Variants in KDM2B observed in about 807,000 individuals in gnomAD.
KDM2B encodes lysine demethylase 2B.
Under a neutral mutation model 150.0 loss-of-function variants are expected in KDM2B, and 26 were observed. That is an observed-to-expected ratio of 0.17 (90% CI 0.13 to 0.24). The LOEUF is 0.24. KDM2B is among the 10% of genes least tolerant of loss of function. KDM2B has a pLI of 1.00. For synonymous variants in KDM2B, 734 were observed against 729.5 expected (o/e 1.01, Z -0.10); for missense variants, 1,265 against 1,816.9 (o/e 0.70, Z 5.52).
intron 1 of KDM2B, chr12:121,580,173 A>ACC: frequency 1.5e-6 from 2 of 1,347,060 alleles, no homozygotes; most frequent in Non-Finnish European, 1.9e-6. Flanking sequence ...AGCAAGCCAG[A>ACC]GCCGAGATCT....
At chr12:121,439,383 T>C (rs1330969403) in intron 22 of KDM2B, among the ~76,000 whole-genome samples, 105 of 149,144 alleles carry the variant, frequency 7.0e-4, no homozygotes, top group Non-Finnish European at 1.1e-3. Flanking sequence ...ATGGTAACTT[T>C]TTTTTTTTTT....
Position 121,431,378 on chromosome 12 carries a change from A to G in KDM2B, c.3830-909T>C, listed in dbSNP as rs377629472. Among the ~76,000 whole-genome samples the G allele has an allele frequency of 1.0e-3, 145 of 140,160 alleles. 1 individual carries two copies. The highest frequency in any genetic ancestry group is 8.5e-3 in the Middle Eastern group (2 of 236). 92.0% of individuals were successfully genotyped at this position (140,160 alleles called of 152,430 possible). ...TGTCCAGGCTGGCCTCAAACTCCTGACCTCATGTGATCCGCCCACCTCAGC... is the reference window on the plus strand; with the variant it reads ...TGTCCAGGCTGGCCTCAAACTCCTGGCCTCATGTGATCCGCCCACCTCAGC... On this transcript the variant is annotated intron_variant, in intron 22 of 22. Coordinates refer to ENST00000377071, the MANE Select transcript of KDM2B (RefSeq NM_032590.5).
chr12:121,423,548 T>G, the KDM2B span: 1 of 1,614,118 alleles, frequency 6.2e-7, no homozygotes, highest in Non-Finnish European at 8.5e-7. This position sits in a 1 kb window ranked among gnomAD's most constrained non-coding sequence, Gnocchi z 4.3. Flanking sequence ...CAGTATGTGG[T>G]GCGAGCCGTG....
chr12:121,482,187 G>A (rs1033225645), intron 12 of KDM2B, among the ~76,000 whole-genome samples: 3 of 152,192 alleles, frequency 2.0e-5, no homozygotes, highest in African/African-American at 7.2e-5. Flanking sequence ...ACGTAGTCTT[G>A]AAGTTCCAGT....
chr12:121,505,546 AAAC>A (rs782193626), intron 11 of KDM2B, among the ~76,000 whole-genome samples: 1 of 152,138 alleles, frequency 6.6e-6, no homozygotes, highest in South Asian at 2.1e-4. Flanking sequence ...CAAAATTTAA[AAAC>A]AACAACAAAA....
Position 121,453,320 on chromosome 12 carries a change from C to T in KDM2B, c.1759G>A (p.Gly587Arg). ...PKNRAVGRPK[G>R]KLGPASAVKL... ...ACCGCGGAGGCCGGGCCCAGCTTCC[C>T]CTTGGGCCGACCCACAGCCCGGTTC... Residue 587 changes from glycine (G) to arginine (R), a missense_variant, in exon 13 of 23, where the codon GGG (glycine) becomes AGG (arginine). Gly to Arg is a moderately radical substitution (Grantham distance 125). Transcript: ENST00000377071. This position sits in a 1 kb window ranked among gnomAD's most constrained non-coding sequence, Gnocchi z 6.4. The T allele has an allele frequency of 6.3e-7, 1 of 1,588,854 alleles. No individual in the cohort carries two copies. Among genetic ancestry groups the T allele is most frequent in the Non-Finnish European group, 8.6e-7 (1 of 1,167,510 alleles).
At chr12:121,564,963 G>A (rs1555314581) in intron 4 of KDM2B, among the ~76,000 whole-genome samples, 1 of 151,912 alleles carries the variant, frequency 6.6e-6, no homozygotes, top group East Asian at 1.9e-4. Flanking sequence ...TAGGAGAGTA[G>A]CTGGGATTGC....
the KDM2B span, among the ~76,000 whole-genome samples, chr12:121,418,935 G>T: frequency 6.6e-6 from 1 of 152,150 alleles, no homozygotes; most frequent in South Asian, 2.1e-4. Flanking sequence ...TCGAATACCT[G>T]ACCTCAGGTT....
chr12:121,430,681 C>T lies in KDM2B; in HGVS notation c.3830-212G>A, dbSNP rs1340006946. On this transcript the variant is annotated intron_variant, in intron 22 of 22. Coordinates refer to ENST00000377071, the MANE Select transcript of KDM2B (RefSeq NM_032590.5). This position sits in a 1 kb window ranked among gnomAD's most constrained non-coding sequence, Gnocchi z 4.4. ...CGCCAGGTATAAAGGTTAATATATG[C>T]CTCAAAAGCATTCAGATAACCACGT... 2 of 574,176 alleles carry T rather than the reference C, an allele frequency of 3.5e-6. No homozygotes were observed. Among genetic ancestry groups the T allele is most frequent in the Admixed American group, 6.1e-5 (2 of 32,808 alleles). The allele number at this position is 574,176 out of a possible 1,614,324, so 35.6% of individuals were successfully genotyped here.
At chr12:121,559,620 G>T (rs1890187773) in intron 4 of KDM2B, among the ~76,000 whole-genome samples, 1 of 152,124 alleles carries the variant, frequency 6.6e-6, no homozygotes, top group African/African-American at 2.4e-5. Context: ...GCTCAACCAG[G>T]CCAGGTGCAG....
chr12:121,577,890 C>A (rs1031812501), intron 2 of KDM2B, among the ~76,000 whole-genome samples: 7 of 152,136 alleles, frequency 4.6e-5, no homozygotes, highest in Non-Finnish European at 7.4e-5. Context: ...AGAGGCAACC[C>A]AGGGCGTCAC....
intron 11 of KDM2B, among the ~76,000 whole-genome samples, chr12:121,504,467 T>G (rs576506997): frequency 6.6e-6 from 1 of 152,054 alleles, no homozygotes; most frequent in East Asian, 1.9e-4. Context: ...CCTGGGGGGT[T>G]GAGGCTGCAG....
chr12:121,448,540 C>T (rs555061820), intron 13 of KDM2B, among the ~76,000 whole-genome samples: 1 of 152,218 alleles, frequency 6.6e-6, no homozygotes, highest in African/African-American at 2.4e-5. Flanking sequence ...TGTGAGCCCC[C>T]TGAGGCCAGG....
intron 19 of KDM2B, 86 bp from the exon 20 acceptor site, chr12:121,441,319 AC>A: frequency 7.5e-7 from 1 of 1,340,490 alleles, no homozygotes. Flanking sequence ...TCCCCACCTA[AC>A]AACCTCTGGG....
the KDM2B span, among the ~76,000 whole-genome samples, chr12:121,412,542 C>A: frequency 2.6e-5 from 4 of 151,592 alleles, no homozygotes; most frequent in Non-Finnish European, 2.9e-5. Flanking sequence ...CACGCCTGGC[C>A]TAATTTTTGT....
chr12:121,450,485 G>A (rs947783808), intron 13 of KDM2B, among the ~76,000 whole-genome samples: 4 of 152,140 alleles, frequency 2.6e-5, no homozygotes, highest in African/African-American at 7.2e-5. Flanking sequence ...ACAGTGAGAC[G>A]TCACCTCATA....
the KDM2B span, chr12:121,423,606 C>G: frequency 6.3e-7 from 1 of 1,590,792 alleles, no homozygotes; most frequent in East Asian, 2.2e-5. The surrounding 1 kb of genome is among the most constrained non-coding windows in gnomAD (Gnocchi z 4.3). Context: ...GACAGTCACC[C>G]CCAAACTTGA....
At position 121,521,013 on chromosome 12, in the gene KDM2B, C is replaced by T. The variant is rs200863982; in HGVS notation, c.1019G>A (p.Arg340Gln). 7.2e-5 allele frequency: 117 copies of T among 1,613,958 alleles called. No individual in the cohort carries two copies. The African/African-American group carries it at 1.5e-3, about 21-fold the overall frequency. Residue 340 changes from arginine to glutamine, a missense_variant, in exon 9 of 23, where the codon CGG becomes CAG. Transcript: ENST00000377071. This position sits in a 1 kb window ranked among gnomAD's most constrained non-coding sequence, Gnocchi z 4.9. ...LHSFNVPMQL[R>Q]IYEIEDRTRV... ...CGTCCTGTCCTCGATCTCGTAGATC[C>T]GCAGCTGCATGGGCACGTTAAAGCT... is the stretch of plus-strand genomic sequence containing the variant.
chr12:121,572,388 CTTCTGCCACTTT>C (rs1201256433), intron 4 of KDM2B, among the ~76,000 whole-genome samples: 1 of 152,114 alleles, frequency 6.6e-6, no homozygotes, highest in East Asian at 1.9e-4. Flanking sequence ...TCTGCCACCT[CTTCTGCCACTTT>C]CTCACTCACT....
Sources: gnomAD v4.1 joint callset for allele counts (sites outside exome capture counted in the v4.1 genomes callset) on GRCh38, gnomAD v4.1.1 for gene constraint, Gnocchi (gnomAD v3.1) non-coding constraint, MANE v1.5 for transcripts, NCBI Gene and HGNC (gene_info 2026-07-23, HGNC 2026-07-21) for gene names.